Variants in FETUB observed in about 807,000 individuals in gnomAD.
The protein encoded by FETUB is fetuin-B.
FETUB carries 28 observed loss-of-function variants against 30.9 expected under a neutral mutation model. That is an observed-to-expected ratio of 0.90 (90% CI 0.67 to 1.24). The LOEUF (loss-of-function observed/expected upper bound fraction) is 1.24. FETUB is among the 50% of genes most tolerant of loss of function. The pLI is 0.00. For missense variants in FETUB, 469 were observed against 455.3 expected (o/e 1.03, Z -0.27); for synonymous variants, 186 against 175.9 (o/e 1.06, Z -0.45).
At chr3:186,640,247 G>T (rs1716923170), upstream of FETUB, 6 of 585,884 alleles carry the variant, frequency 1.0e-5, no homozygotes, top group Non-Finnish European at 1.8e-5. Context: ...TGTACAGGTG[G>T]ATATGAGGTT....
intron 4 of FETUB, 149 bp from the exon 5 acceptor site, chr3:186,646,099 C>G: frequency 1.7e-6 from 1 of 594,702 alleles, no homozygotes; most frequent in Non-Finnish European, 3.0e-6. Flanking sequence ...ATGGTTTGAT[C>G]AGTGTGGGGA....
chr3:186,641,053 T>C lies in FETUB; in HGVS notation c.249T>C (p.Tyr83=). 1 of 1,613,724 alleles carries C rather than the reference T, an allele frequency of 6.2e-7. No individual in the cohort carries two copies. Among genetic ancestry groups the C allele is most frequent in the African/African-American group, 1.3e-5 (1 of 75,038 alleles). The change falls in exon 2 of 7, where the codon TAT becomes TAC. Residue 83 remains tyrosine (Y), a synonymous_variant. Transcript: ENST00000265029. ...YRRGGLGSLF[Y]LTLDVLETDC... ...AGGGTGGCCTGGGATCTCTGTTCTA[T>C]CTTACACTGGATGTGCTAGAGACTG...
intron 4 of FETUB, among the ~76,000 whole-genome samples, chr3:186,645,967 C>T (rs371879597): frequency 2.6e-5 from 4 of 152,182 alleles, no homozygotes; most frequent in East Asian, 1.9e-4. Context: ...CCTCGTGATC[C>T]GCCCGCCTCG....
intron 1 of FETUB, 39 bp from the exon 2 acceptor site, chr3:186,640,991 C>A: frequency 7.5e-7 from 1 of 1,324,676 alleles, no homozygotes; most frequent in Non-Finnish European, 1.1e-6. Flanking sequence ...GTTTCTACTT[C>A]CTGTGAAATG....
intron 4 of FETUB, among the ~76,000 whole-genome samples, chr3:186,645,573 C>G (rs2108528661): frequency 6.6e-6 from 1 of 152,194 alleles, no homozygotes; most frequent in Admixed American, 6.5e-5. Flanking sequence ...AACAATCCAC[C>G]CGCCTTGGCC....
chr3:186,639,722 T>G (rs891511278), upstream of FETUB, among the ~76,000 whole-genome samples: 7 of 150,900 alleles, frequency 4.6e-5, no homozygotes, highest in Non-Finnish European at 1.0e-4. Flanking sequence ...TGCCCTTCAG[T>G]ATCTTTCTTT....
chr3:186,641,104 A>C lies in FETUB; in HGVS notation c.300A>C (p.Ala100=). 1 of 1,613,816 alleles carries C rather than the reference A, an allele frequency of 6.2e-7. No homozygotes were observed. Among genetic ancestry groups the C allele is most frequent in the East Asian group, 2.2e-5 (1 of 44,882 alleles). ...ACTGCCATGTGCTCAGAAAGAAGGCATGGCAAGACTGTGGAATGAGGATAT... is the reference window on the plus strand; with the variant it reads ...ACTGCCATGTGCTCAGAAAGAAGGCCTGGCAAGACTGTGGAATGAGGATAT... The part of the protein sequence containing the change: ...ETDCHVLRKK[A]WQDCGMRIFF... The change falls in exon 2 of 7, where the codon GCA becomes GCC. Residue 100 remains alanine, a synonymous_variant. Coordinates refer to ENST00000265029, the MANE Select transcript of FETUB (RefSeq NM_014375.3).
Position 186,652,593 on chromosome 3 carries a change from C to G in FETUB, c.1111C>G (p.Pro371Ala), listed in dbSNP as rs1579059328. The part of the protein sequence containing the change: ...EKARTAECPG[P>A]AQNASPLVLP... ...AGCACGCACTGCTGAGTGCCCAGGG[C>G]CAGCCCAGAATGCCAGCCCTCTTGT... Residue 371 changes from proline (P) to alanine (A), a missense_variant, in exon 7 of 7, where the codon CCA becomes GCA. By Grantham distance (27) the Pro-to-Ala change is conservative (BLOSUM62 -1). Transcript: ENST00000265029. 2 of 1,612,220 alleles carry G rather than the reference C, an allele frequency of 1.2e-6. No homozygotes were observed. Among genetic ancestry groups the G allele is most frequent in the Non-Finnish European group, 1.7e-6 (2 of 1,179,476 alleles).
intron 5 of FETUB, among the ~76,000 whole-genome samples, chr3:186,648,563 A>G (rs765936128): frequency 3.9e-5 from 6 of 152,238 alleles, no homozygotes; most frequent in Non-Finnish European, 5.9e-5. Context: ...ATTTGATTGC[A>G]TTGAATCTGT....
chr3:186,652,010 T>C (rs1718081957), intron 6 of FETUB: 1 of 277,676 alleles, frequency 3.6e-6, no homozygotes, highest in Non-Finnish European at 6.7e-6. Context: ...GAGTGAGTCA[T>C]TGAACCTCTC....
At position 186,641,035 on chromosome 3, in the gene FETUB, C is replaced by A. The variant is rs151073899; in HGVS notation, c.231C>A (p.Gly77=). ...TTCTCTACCCCTTCCCACAGGGTGG[C>A]CTGGGATCTCTGTTCTATCTTACAC... ...VNDAQEYRRG[G]LGSLFYLTLD... is the part of the protein sequence containing the mutation. Residue 77 remains glycine (G), a synonymous_variant, in exon 2 of 7, where the codon GGC becomes GGA. Coordinates refer to ENST00000265029, the MANE Select transcript of FETUB (RefSeq NM_014375.3). The A allele has an allele frequency of 1.7e-5, 28 of 1,608,704 alleles. No homozygotes were observed. The highest frequency in any genetic ancestry group is 2.3e-5 in the Non-Finnish European group (27 of 1,175,332).
At chr3:186,650,905 C>A (rs1003092670) in intron 5 of FETUB, among the ~76,000 whole-genome samples, 18 of 152,062 alleles carry the variant, frequency 1.2e-4, no homozygotes, top group African/African-American at 4.3e-4. Context: ...TCTAATTGAC[C>A]CAAGGGTAGA....
rs140904966 is a variant in FETUB at position 186,650,707 on chromosome 3, C to A, written c.697-511C>A. Among the ~76,000 whole-genome samples the A allele has an allele frequency of 3.4e-3, 523 of 152,084 alleles. 6 individuals carry two copies. Among genetic ancestry groups the A allele is most frequent in the African/African-American group, 0.012 (491 of 41,482 alleles). ...CTGCAGGTAACAAATATATTTCATG[C>A]AATTTACAGGTCTTTATTTTCTTTT... On this transcript the variant is annotated intron_variant, in intron 5 of 6. Coordinates refer to ENST00000265029, the MANE Select transcript of FETUB (RefSeq NM_014375.3).
intron 5 of FETUB, 89 bp from the exon 6 acceptor site, chr3:186,651,129 T>G: frequency 1.2e-6 from 1 of 821,624 alleles, no homozygotes; most frequent in East Asian, 2.5e-5. Context: ...AAATGTTGAT[T>G]GGCTGTGTAT....
chr3:186,640,368 A>C, upstream of FETUB: 3 of 975,484 alleles, frequency 3.1e-6, no homozygotes, highest in Non-Finnish European at 4.8e-6. Flanking sequence ...CAGTTGTAAC[A>C]AAACCGCTCA....
chr3:186,644,103 C>A (rs1283930484), intron 3 of FETUB, among the ~76,000 whole-genome samples: 1 of 152,112 alleles, frequency 6.6e-6, no homozygotes, highest in Non-Finnish European at 1.5e-5. Flanking sequence ...TCATCTCAAA[C>A]CTTTATCACT....
At position 186,652,088 on chromosome 3, in the gene FETUB, T is replaced by C. The variant is rs534975364; in HGVS notation, c.781-175T>C. 1.6e-4 allele frequency among the ~76,000 whole-genome samples: 25 copies of C among 152,294 alleles called. 1 individual carries two copies. The highest frequency in any genetic ancestry group is 1.6e-3 in the Admixed American group (24 of 15,294). ...ACAGTCAAGCTTCTACAGGTCCTGG[T>C]TCCCCCTGGCCCTTATCTGTTTTGT... On this transcript the variant is annotated intron_variant, in intron 6 of 6. Transcript: ENST00000265029.
Position 186,641,147 on chromosome 3 carries a change from G to A in FETUB, c.336+7G>A. The A allele has an allele frequency of 6.3e-7, 1 of 1,579,738 alleles. No individual in the cohort carries two copies. The highest frequency in any genetic ancestry group is 1.1e-5 in the South Asian group (1 of 89,606). On this transcript the variant is annotated splice_region_variant and intron_variant, in intron 2 of 6. Transcript: ENST00000265029. Reference sequence around the variant, plus strand: ...GAGGATATTTTTTGAATCAGTGAGTGCTTGTTTTTATAAACCATTAAGGGC... The same window carrying A: ...GAGGATATTTTTTGAATCAGTGAGTACTTGTTTTTATAAACCATTAAGGGC...
At chr3:186,644,242 T>C (rs1717308969) in intron 3 of FETUB, among the ~76,000 whole-genome samples, 1 of 152,318 alleles carries the variant, frequency 6.6e-6, no homozygotes, top group South Asian at 2.1e-4. Context: ...TTTTGTATCC[T>C]TTGACAGATC....
Sources: allele counts gnomAD v4.1 joint callset (sites outside exome capture counted in the v4.1 genomes callset), GRCh38; gene constraint gnomAD v4.1.1; transcripts MANE v1.5; gene names NCBI Gene and HGNC (gene_info 2026-07-23, HGNC 2026-07-21).